The following SLC35F1 variants were observed in gnomAD, a reference collection of about 807,000 sequenced individuals.
SLC35F1 encodes solute carrier family 35 member F1.
Under a neutral mutation model 48.7 loss-of-function variants are expected in SLC35F1, and 14 were observed. The ratio of observed to expected loss-of-function variants is 0.29; its 90% CI spans 0.19 to 0.45. The LOEUF (loss-of-function observed/expected upper bound fraction) is 0.45, where lower values mean the gene tolerates loss of function less well. Among genes scored for constraint, SLC35F1 ranks in the 20% least tolerant of loss-of-function variants. SLC35F1 has a pLI of 1.00. For synonymous variants in SLC35F1, 190 were observed against 202.2 expected (o/e 0.94, Z 0.51); for missense variants, 404 against 500.0 (o/e 0.81, Z 1.83).
At chr6:118,267,190 T>C in intron 4 of SLC35F1, 36 bp downstream of exon 4, 1 of 1,610,728 alleles carries the variant, frequency 6.2e-7, no homozygotes, top group East Asian at 2.2e-5. Flanking sequence ...TCCTTACCTC[T>C]GCGGGTGAGG....
intron 2 of SLC35F1, among the ~76,000 whole-genome samples, chr6:118,216,485 A>C (rs1775074990): frequency 6.6e-6 from 1 of 151,848 alleles, no homozygotes; most frequent in Non-Finnish European, 1.5e-5. Context: ...AAAGAAAAGA[A>C]AAGAAAAGAA....
intron 1 of SLC35F1, among the ~76,000 whole-genome samples, chr6:117,960,130 C>T (rs1278199227): frequency 2.6e-5 from 4 of 152,000 alleles, no homozygotes; most frequent in African/African-American, 9.7e-5. Context: ...ACCAGACTGG[C>T]ATGCTCCCTG....
At chr6:118,245,484 C>T (rs747048410) in intron 3 of SLC35F1, among the ~76,000 whole-genome samples, 3 of 152,188 alleles carry the variant, frequency 2.0e-5, no homozygotes, top group Non-Finnish European at 4.4e-5. Flanking sequence ...GTGCTGGACA[C>T]GGAGCTGCTG....
At position 117,938,310 on chromosome 6, in the gene SLC35F1, A is replaced by G. The variant is rs192487403; in HGVS notation, c.173+30411A>G. 2.0e-5 allele frequency among the ~76,000 whole-genome samples: 3 copies of G among 152,348 alleles called. No individual in the cohort carries two copies. The East Asian group carries it at 5.8e-4, about 29-fold the overall frequency. ...AACTGGATAAGTTTCATAGGACCAA[A>G]AAAAAGTCACTCTTATGATTTTGGT... On this transcript the variant is annotated intron_variant, in intron 1 of 7. Coordinates refer to ENST00000360388, the MANE Select transcript of SLC35F1 (RefSeq NM_001029858.4).
chr6:118,120,920 T>A (rs1402174163), intron 1 of SLC35F1, among the ~76,000 whole-genome samples: 2 of 132,408 alleles, frequency 1.5e-5, no homozygotes, highest in South Asian at 2.3e-4. Context: ...CCCAGCATGA[T>A]CATCTTTTTT....
Position 117,980,862 on chromosome 6 carries a change from G to T in SLC35F1, c.173+72963G>T, listed in dbSNP as rs146316388. Among the ~76,000 whole-genome samples the T allele has an allele frequency of 2.9e-3, 439 of 152,290 alleles. 3 individuals are homozygous for T. The highest frequency in any genetic ancestry group is 0.01 in the African/African-American group (416 of 41,564). On this transcript the variant is annotated intron_variant, in intron 1 of 7. Transcript: ENST00000360388. The stretch of plus-strand genomic sequence containing the variant: ...AGGCCCAGAGAGCATTTAAGGTAGT[G>T]GGAGGGATATTGCAAAAATGTTTAG...
intron 1 of SLC35F1, among the ~76,000 whole-genome samples, chr6:118,083,754 C>A (rs1772945276): frequency 6.6e-6 from 1 of 152,166 alleles, no homozygotes; most frequent in Non-Finnish European, 1.5e-5. Flanking sequence ...TACAGATGAA[C>A]AATAATTTGC....
chr6:117,934,275 TTGAA>T (rs1776137671), intron 1 of SLC35F1, among the ~76,000 whole-genome samples: 1 of 152,108 alleles, frequency 6.6e-6, no homozygotes, highest in South Asian at 2.1e-4. Context: ...CCATTCTTGA[TTGAA>T]AGGATTTCTT....
intron 1 of SLC35F1, among the ~76,000 whole-genome samples, chr6:118,027,502 T>A (rs774376991): frequency 1.2e-4 from 19 of 152,142 alleles, no homozygotes; most frequent in Non-Finnish European, 1.9e-4. Flanking sequence ...TGTAATGGTA[T>A]CTCACTGTAG....
intron 1 of SLC35F1, among the ~76,000 whole-genome samples, chr6:117,948,312 T>C (rs1776320118): frequency 6.6e-6 from 1 of 152,150 alleles, no homozygotes; most frequent in African/African-American, 2.4e-5. Flanking sequence ...TACTGAAAAA[T>C]TATTTAAGCT....
At chr6:118,249,384 G>A (rs1374279964) in intron 3 of SLC35F1, among the ~76,000 whole-genome samples, 2 of 152,198 alleles carry the variant, frequency 1.3e-5, no homozygotes, top group African/African-American at 2.4e-5. Context: ...GGGCTCCTTG[G>A]AGAGCACCCT....
chr6:118,044,701 A>G (rs1772275052), intron 1 of SLC35F1, among the ~76,000 whole-genome samples: 1 of 151,434 alleles, frequency 6.6e-6, no homozygotes, highest in South Asian at 2.1e-4. Flanking sequence ...TTCGAAGAGG[A>G]AAAAAAAATG....
chr6:118,036,701 G>C (rs1054018705), intron 1 of SLC35F1, among the ~76,000 whole-genome samples: 2 of 152,120 alleles, frequency 1.3e-5, no homozygotes, highest in Non-Finnish European at 2.9e-5. Flanking sequence ...GGGACTACAG[G>C]TGCATGCCAC....
intron 1 of SLC35F1, among the ~76,000 whole-genome samples, chr6:118,089,250 T>C (rs1773037582): frequency 6.6e-6 from 1 of 152,084 alleles, no homozygotes. Context: ...AGGGAGAACT[T>C]GAAGAGTTTT....
intron 3 of SLC35F1, among the ~76,000 whole-genome samples, chr6:118,237,095 A>C (rs546902998): frequency 3.0e-4 from 46 of 151,920 alleles, no homozygotes; most frequent in Non-Finnish European, 5.7e-4. Flanking sequence ...GGATACTCAT[A>C]CTCTCTATTC....
intron 1 of SLC35F1, among the ~76,000 whole-genome samples, chr6:117,979,071 T>TC (rs1310149848): frequency 9.2e-5 from 14 of 152,222 alleles, no homozygotes; most frequent in Admixed American, 9.2e-4. Flanking sequence ...ACAATGTGAA[T>TC]CCATTTTTCA....
At chr6:118,283,570 A>C (rs760812887) in intron 6 of SLC35F1, among the ~76,000 whole-genome samples, 1 of 152,200 alleles carries the variant, frequency 6.6e-6, no homozygotes, top group Non-Finnish European at 1.5e-5. Context: ...AATCAGTGAC[A>C]CCTTCAAAAA....
chr6:118,054,301 G>A (rs553832702), intron 1 of SLC35F1, among the ~76,000 whole-genome samples: 47 of 152,226 alleles, frequency 3.1e-4, no homozygotes, highest in African/African-American at 1.1e-3. Flanking sequence ...ATTTGGCTGG[G>A]GTGAGAAGGC....
intron 1 of SLC35F1, among the ~76,000 whole-genome samples, chr6:118,068,910 G>A (rs1432616041): frequency 1.3e-5 from 2 of 151,994 alleles, no homozygotes; most frequent in Non-Finnish European, 2.9e-5. Flanking sequence ...AGGCTTCAAG[G>A]TCACTATTTT....
Sources: allele counts gnomAD v4.1 joint callset (sites outside exome capture counted in the v4.1 genomes callset), GRCh38; gene constraint gnomAD v4.1.1; transcripts MANE v1.5; gene names NCBI Gene and HGNC (gene_info 2026-07-23, HGNC 2026-07-21).